The following SENP6 variants were observed in gnomAD, a reference collection of about 807,000 sequenced individuals.
SENP6 encodes the protein SUMO specific peptidase 6.
A neutral mutation model predicts 134.5 loss-of-function variants in SENP6; 41 were observed. That is an observed-to-expected ratio of 0.30 (90% confidence interval 0.24 to 0.40). SENP6 has a LOEUF of 0.40. Ranked by LOEUF, SENP6 falls within the 10% of genes least tolerant of loss-of-function variation. SENP6 has a pLI of 1.00. For synonymous variants in SENP6, 395 were observed against 429.8 expected, an observed-to-expected ratio of 0.92 and a Z score of 1.00; for missense variants, 1,248 against 1,312.5, an observed-to-expected ratio of 0.95 and a Z score of 0.76.
In SENP6 at chr6:75,677,026, T is replaced by C. The variant is rs960090731; in HGVS notation, c.1622-4T>C. 1.1e-5 allele frequency: 15 copies of C among 1,360,050 alleles called. No individual in the cohort carries two copies. Among genetic ancestry groups the C allele is most frequent in the Non-Finnish European group, 1.5e-5 (15 of 975,064 alleles). The allele number at this position is 1,360,050 out of a possible 1,614,324, so 84.2% of individuals were successfully genotyped here. A position where few individuals can be genotyped will look rare whatever the true frequency, so the allele number is the denominator to read the frequency against. ...TTTTTGGACTTATATTTATTTCTTT[T>C]CAGATTTAGAAGAACAATATATAAT... On this transcript the variant is annotated splice_polypyrimidine_tract_variant and splice_region_variant and intron_variant, in intron 13 of 23. Transcript: ENST00000447266.
intron 16 of SENP6, among the ~76,000 whole-genome samples, chr6:75,687,978 T>G (rs1773963934): frequency 6.6e-6 from 1 of 152,236 alleles, no homozygotes; most frequent in Non-Finnish European, 1.5e-5. Context: ...TGCTGCCTAT[T>G]TTTCAGCTAT....
At chr6:75,644,467 C>A (rs913030294) in intron 6 of SENP6, among the ~76,000 whole-genome samples, 4 of 119,188 alleles carry the variant, frequency 3.4e-5, no homozygotes, top group Non-Finnish European at 7.4e-5. Flanking sequence ...TGGTAAATTT[C>A]TTTCTTTCTT....
chr6:75,684,697 T>C (rs1773707919), intron 16 of SENP6, among the ~76,000 whole-genome samples: 1 of 152,178 alleles, frequency 6.6e-6, no homozygotes, highest in Admixed American at 6.5e-5. Flanking sequence ...CGATGGATTA[T>C]GTTTATTGAT....
At chr6:75,667,789 G>A (rs775071) in intron 10 of SENP6, among the ~76,000 whole-genome samples, 59,781 of 151,964 alleles carry the variant, frequency 0.39, 12,116 homozygotes, top group East Asian at 0.55. Flanking sequence ...AAACAAAATC[G>A]TTGCCTGTTA....
At chr6:75,659,130 T>A in intron 7 of SENP6, 132 bp from the exon 8 acceptor site, 3 of 663,218 alleles carry the variant, frequency 4.5e-6, no homozygotes, top group Non-Finnish European at 7.6e-6. Context: ...TGCTGAGGAG[T>A]GAAAAATAAA....
intron 7 of SENP6, among the ~76,000 whole-genome samples, chr6:75,652,102 A>G (rs940711241): frequency 8.5e-5 from 13 of 152,060 alleles, no homozygotes; most frequent in Middle Eastern, 3.2e-3. Flanking sequence ...ACTTGAGCCC[A>G]GCAGGTCAAG....
intron 5 of SENP6, among the ~76,000 whole-genome samples, chr6:75,639,257 T>G (rs970545965): frequency 1.3e-5 from 2 of 152,202 alleles, no homozygotes; most frequent in African/African-American, 4.8e-5. Context: ...TTCGCTTCTT[T>G]AATAGGGATG....
chr6:75,619,655 G>T (rs545399325), intron 1 of SENP6, among the ~76,000 whole-genome samples: 1 of 152,204 alleles, frequency 6.6e-6, no homozygotes, highest in South Asian at 2.1e-4. Context: ...AGCTCGTAGG[G>T]TAATTCTATG....
At chr6:75,609,597 A>G (rs1293520660) in intron 1 of SENP6, among the ~76,000 whole-genome samples, 1 of 152,208 alleles carries the variant, frequency 6.6e-6, no homozygotes, top group Admixed American at 6.5e-5. Flanking sequence ...CAACAGTCAA[A>G]GTATTTTTCA....
chr6:75,673,939 T>G (rs1772880909), intron 11 of SENP6, among the ~76,000 whole-genome samples: 1 of 151,814 alleles, frequency 6.6e-6, no homozygotes, highest in South Asian at 2.1e-4. Context: ...AAGAATCACT[T>G]GAACCCGGGA....
At chr6:75,624,043 A>G in intron 3 of SENP6, 83 bp downstream of exon 3, 1 of 1,136,690 alleles carries the variant, frequency 8.8e-7, no homozygotes. Context: ...TTTTTAAATT[A>G]TAAACCCCAG....
At chr6:75,653,548 C>T (rs893884299) in intron 7 of SENP6, among the ~76,000 whole-genome samples, 13 of 151,764 alleles carry the variant, frequency 8.6e-5, no homozygotes, top group African/African-American at 2.9e-4. Context: ...ATTAATTAAC[C>T]TTGTTTTCCC....
chr6:75,602,251 C>CCGT lies in SENP6; in HGVS notation c.-262_-260dup, dbSNP rs942030259. The CCGT allele has an allele frequency of 7.6e-5, 28 of 366,456 alleles. 1 individual carries two copies. In the South Asian group the frequency reaches 9.8e-4, roughly 13 times the overall value. The allele number at this position is 366,456 out of a possible 1,614,324, so 22.7% of individuals were successfully genotyped here. On this transcript the variant is annotated 5_prime_UTR_variant, in exon 1 of 24. Coordinates refer to ENST00000447266, the MANE Select transcript of SENP6 (RefSeq NM_015571.4). ...CGAGAGGAACCGGGCCCGGGAAGCG[C>CCGT]CGTCGTCGTCGTCGCCGGTCGCGTT...
chr6:75,679,323 C>T (rs1368914302), intron 16 of SENP6: 2 of 165,772 alleles, frequency 1.2e-5, no homozygotes, highest in Non-Finnish European at 2.6e-5. Context: ...GGAAGATTAC[C>T]TGAGCCCATG....
rs749164228 is a variant in SENP6 at position 75,634,802 on chromosome 6, C to T, written c.449C>T (p.Ala150Val). The stretch of plus-strand genomic sequence containing the variant: ...GCACAGATACCAGTAGTAAAAACAG[C>T]AGCCCAAAGGTAAGAATTCTAATTG... ...AHAQIPVVKT[A>V]AQSSLDRKER... Residue 150 changes from alanine to valine, a missense_variant, in exon 5 of 24, where the codon GCA becomes GTA. Ala to Val is a moderately conservative substitution (Grantham distance 64). Transcript: ENST00000447266. 6.3e-7 allele frequency: 1 copy of T among 1,590,612 alleles called. No individual in the cohort carries two copies. The highest frequency in any genetic ancestry group is 1.8e-5 in the Admixed American group (1 of 55,748).
chr6:75,651,248 C>T (rs1770837688), intron 7 of SENP6, among the ~76,000 whole-genome samples: 1 of 152,014 alleles, frequency 6.6e-6, no homozygotes, highest in Non-Finnish European at 1.5e-5. Context: ...AGAGAACAGA[C>T]ATATATTGTC....
At chr6:75,636,371 A>C (rs1769514622) in intron 5 of SENP6, among the ~76,000 whole-genome samples, 1 of 152,180 alleles carries the variant, frequency 6.6e-6, no homozygotes, top group Non-Finnish European at 1.5e-5. Context: ...TCTTATTCCA[A>C]CTGCAGCATG....
chr6:75,666,881 T>A lies in SENP6; in HGVS notation c.1164T>A (p.Ile388=), dbSNP rs759084895. The part of the protein sequence containing the change: ...TCRAERELRS[I]PEDSELNTVT... The stretch of plus-strand genomic sequence containing the variant: ...GAGCAGAGCGTGAACTACGAAGCAT[T>A]CCAGAAGACTCAGAGTTAAATACAG... The change falls in exon 10 of 24, where the codon ATT becomes ATA. Residue 388 remains isoleucine (I), a synonymous_variant. Coordinates refer to ENST00000447266, the MANE Select transcript of SENP6 (RefSeq NM_015571.4). 1 of 1,612,200 alleles carries A rather than the reference T, an allele frequency of 6.2e-7. No homozygotes were observed. Among genetic ancestry groups the A allele is most frequent in the Admixed American group, 1.7e-5 (1 of 59,998 alleles).
In SENP6 at chr6:75,717,717, G is replaced by C. The variant is rs1776081429; in HGVS notation, c.*2123G>C. ...TTTTAAAATGTGTTATTAGTACTTA[G>C]AAGTTGTAAAACAGAACTTATAGAG... is the stretch of plus-strand genomic sequence containing the variant. On this transcript the variant is annotated 3_prime_UTR_variant, in exon 24 of 24. Transcript: ENST00000447266. The C allele has an allele frequency of 6.6e-6, 1 of 152,142 alleles. No individual in the cohort carries two copies. Among genetic ancestry groups the C allele is most frequent in the African/African-American group, 2.4e-5 (1 of 41,446 alleles). The allele number at this position is 152,142 out of a possible 1,614,324, so 9.4% of individuals were successfully genotyped here. A position where few individuals can be genotyped will look rare whatever the true frequency, so the allele number is the denominator to read the frequency against.
Sources: allele counts gnomAD v4.1 joint callset (sites outside exome capture counted in the v4.1 genomes callset), GRCh38; gene constraint gnomAD v4.1.1; transcripts MANE v1.5; gene names NCBI Gene and HGNC (gene_info 2026-07-23, HGNC 2026-07-21).